SEPTIN7: variants seen among roughly 807,000 people sequenced by gnomAD.
SEPTIN7 encodes septin-7.
In SEPTIN7, 10 loss-of-function variants were observed where a neutral mutation model predicts 63.3. The observed-to-expected ratio is 0.16, with a 90% confidence interval of 0.10 to 0.27. The LOEUF (loss-of-function observed/expected upper bound fraction) is 0.27, where lower values mean the gene tolerates loss of function less well. SEPTIN7 is among the 10% of genes least tolerant of loss of function. The probability of loss-of-function intolerance (pLI) is 1.00; values close to 1 mark genes in which losing one functional copy is unlikely to be tolerated. For synonymous variants in SEPTIN7, 131 were observed against 165.3 expected (o/e 0.79, Z 1.59); for missense variants, 310 against 521.0 (o/e 0.59, Z 3.94).
chr7:35,818,039 G>C (rs184520891), intron 1 of SEPTIN7, among the ~76,000 whole-genome samples: 19 of 152,020 alleles, frequency 1.2e-4, no homozygotes, highest in African/African-American at 4.6e-4. Flanking sequence ...TGTTGATTAG[G>C]AGTAGCAATG....
At chr7:35,839,250 G>A (rs1428678689) in intron 3 of SEPTIN7, among the ~76,000 whole-genome samples, 1 of 152,134 alleles carries the variant, frequency 6.6e-6, no homozygotes, top group Non-Finnish European at 1.5e-5. Flanking sequence ...GGAAAATAAA[G>A]ACTTAGCAGC....
chr7:35,822,359 G>A (rs1789476648), intron 1 of SEPTIN7, among the ~76,000 whole-genome samples: 1 of 152,172 alleles, frequency 6.6e-6, no homozygotes, highest in Non-Finnish European at 1.5e-5. Flanking sequence ...ACCACACTCA[G>A]CCTAATACTT....
At chr7:35,809,352 G>A (rs984571175) in intron 1 of SEPTIN7, among the ~76,000 whole-genome samples, 14 of 152,196 alleles carry the variant, frequency 9.2e-5, no homozygotes, top group African/African-American at 3.1e-4. Flanking sequence ...AGAAGTAAAT[G>A]AGATAGTACA....
intron 3 of SEPTIN7, among the ~76,000 whole-genome samples, chr7:35,854,848 T>C (rs1049351307): frequency 6.6e-6 from 1 of 152,040 alleles, no homozygotes; most frequent in African/African-American, 2.4e-5. Flanking sequence ...AGAAGAAAAA[T>C]TTAAATGTTT....
At chr7:35,851,614 G>A (rs1784964381) in intron 3 of SEPTIN7, among the ~76,000 whole-genome samples, 2 of 152,098 alleles carry the variant, frequency 1.3e-5, no homozygotes, top group African/African-American at 4.8e-5. Context: ...GATTTGGGTT[G>A]TTTCCACAGA....
intron 3 of SEPTIN7, among the ~76,000 whole-genome samples, chr7:35,860,662 T>G (rs1424279873): frequency 3.3e-5 from 5 of 152,372 alleles, no homozygotes; most frequent in Middle Eastern, 3.4e-3. Flanking sequence ...ACTTTAAATG[T>G]ATCATTGCAC....
At chr7:35,822,189 C>T (rs6964244) in intron 1 of SEPTIN7, among the ~76,000 whole-genome samples, 49,455 of 151,832 alleles carry the variant, frequency 0.33, 8,287 homozygotes, top group East Asian at 0.41. Flanking sequence ...AAGCAATTCT[C>T]GTGCCTCAGC....
At chr7:35,838,542 TG>T (rs1253282505) in intron 3 of SEPTIN7, 9 of 151,492 alleles carry the variant, frequency 5.9e-5, no homozygotes, top group African/African-American at 2.2e-4. Flanking sequence ...GCTAATTTTT[TG>T]TTTTTGTATT....
chr7:35,860,567 G>A (rs1785450369), intron 3 of SEPTIN7, among the ~76,000 whole-genome samples: 1 of 152,118 alleles, frequency 6.6e-6, no homozygotes, highest in African/African-American at 2.4e-5. Flanking sequence ...TTTGTTTACT[G>A]GGGAATGTCT....
chr7:35,889,756 C>T (rs1787521215), intron 10 of SEPTIN7, among the ~76,000 whole-genome samples: 1 of 152,130 alleles, frequency 6.6e-6, no homozygotes, highest in African/African-American at 2.4e-5. Context: ...GTTGGCCAGG[C>T]TGGTCTCGAA....
downstream of SEPTIN7, among the ~76,000 whole-genome samples, chr7:35,908,524 C>G (rs371429212): frequency 7.2e-5 from 11 of 152,214 alleles, no homozygotes; most frequent in African/African-American, 2.4e-4. Flanking sequence ...TGTTTGTGGA[C>G]CTGCCGAAAT....
chr7:35,845,022 G>C (rs1784588622), intron 3 of SEPTIN7, among the ~76,000 whole-genome samples: 1 of 152,004 alleles, frequency 6.6e-6, no homozygotes, highest in Non-Finnish European at 1.5e-5. Context: ...CTAGGGGTTC[G>C]AGACGACCCT....
At chr7:35,803,678 C>G (rs1212687256) in intron 1 of SEPTIN7, among the ~76,000 whole-genome samples, 1 of 152,136 alleles carries the variant, frequency 6.6e-6, no homozygotes, top group Non-Finnish European at 1.5e-5. Flanking sequence ...ACATTTTAAA[C>G]TAATGATTTA....
At chr7:35,844,524 A>G (rs368582218) in intron 3 of SEPTIN7, among the ~76,000 whole-genome samples, 4 of 152,322 alleles carry the variant, frequency 2.6e-5, no homozygotes, top group East Asian at 1.9e-4. Flanking sequence ...TAAAACTTCA[A>G]TTTCTGTCAC....
chr7:35,914,867 G>A, the SEPTIN7 span, among the ~76,000 whole-genome samples: 3 of 151,368 alleles, frequency 2.0e-5, no homozygotes, highest in African/African-American at 2.4e-5. Context: ...TGTATACATA[G>A]ATATGTGTAC....
chr7:35,818,430 C>T (rs776520588), intron 1 of SEPTIN7, among the ~76,000 whole-genome samples: 9 of 151,830 alleles, frequency 5.9e-5, no homozygotes, highest in Admixed American at 2.6e-4. Context: ...TGTTTTTACT[C>T]GATGTGTTTG....
chr7:35,815,582 A>G (rs1789006946), intron 1 of SEPTIN7, among the ~76,000 whole-genome samples: 3 of 152,190 alleles, frequency 2.0e-5, no homozygotes, highest in Admixed American at 2.0e-4. Context: ...CTTCAGAACT[A>G]TGTAATATGC....
chr7:35,867,585 C>A (rs1188107366), intron 4 of SEPTIN7, among the ~76,000 whole-genome samples: 1 of 150,346 alleles, frequency 6.7e-6, no homozygotes, highest in Non-Finnish European at 1.5e-5. Flanking sequence ...CCTGACCTCA[C>A]GTGATCCGCC....
At chr7:35,900,704 A>G (rs1788273892) in intron 12 of SEPTIN7, 1 of 152,242 alleles carries the variant, frequency 6.6e-6, no homozygotes, top group Admixed American at 6.5e-5. Context: ...ACATGTTGCT[A>G]AAAGTAAATA....
Sources: allele counts gnomAD v4.1 joint callset (sites outside exome capture counted in the v4.1 genomes callset), GRCh38; gene constraint gnomAD v4.1.1; transcripts MANE v1.5; gene names NCBI Gene and HGNC (gene_info 2026-07-23, HGNC 2026-07-21).